The following IRX2 variants were observed in gnomAD, a reference collection of about 807,000 sequenced individuals.
IRX2 encodes iroquois homeobox 2.
In IRX2, 26 loss-of-function variants were observed where a neutral mutation model predicts 42.9. The observed-to-expected ratio is 0.61, with a 90% CI of 0.44 to 0.84. IRX2 has a LOEUF of 0.84. Among genes scored for constraint, IRX2 ranks in the 40% least tolerant of loss-of-function variants. The pLI is 0.00. For missense variants in IRX2, 782 were observed against 713.9 expected, an observed-to-expected ratio of 1.10 and a Z score of -1.09; for synonymous variants, 424 against 353.9, an observed-to-expected ratio of 1.20 and a Z score of -2.22.
At chr5:2,739,000 G>A in the IRX2 span, among the ~76,000 whole-genome samples, 2 of 152,134 alleles carry the variant, frequency 1.3e-5, no homozygotes, top group Admixed American at 6.5e-5. Context: ...CGTGCTCTCC[G>A]TCGCCTCCAT....
intron 1 of IRX2, 106 bp from the exon 2 acceptor site, chr5:2,749,893 G>A (rs532495506): frequency 1.4e-5 from 17 of 1,210,040 alleles, no homozygotes; most frequent in African/African-American, 1.4e-4. Flanking sequence ...CCCCCCGTGA[G>A]TCTGGCTCTG....
the IRX2 span, among the ~76,000 whole-genome samples, chr5:2,736,370 A>C: frequency 6.6e-6 from 1 of 152,204 alleles, no homozygotes; most frequent in Admixed American, 6.5e-5. Context: ...CAGGGATTAA[A>C]TTTTTAGAAT....
chr5:2,751,305 C>T lies in IRX2; in HGVS notation c.109G>A (p.Ala37Thr), dbSNP rs1299597713. 1 of 1,436,780 alleles carries T rather than the reference C, an allele frequency of 7.0e-7. No individual in the cohort carries two copies. Among genetic ancestry groups the T allele is most frequent in the Non-Finnish European group, 9.1e-7 (1 of 1,095,424 alleles). The allele number at this position is 1,436,780 out of a possible 1,614,324, so 89.0% of individuals were successfully genotyped here. The change falls in exon 1 of 4, where the codon GCG (alanine) becomes ACG (threonine). Residue 37 changes from alanine (A) to threonine (T), a missense_variant. This residue lies in a region of IRX2 where 256 missense variants were observed against 250.0 expected (regional missense o/e 1.02). Coordinates refer to ENST00000302057, the MANE Select transcript of IRX2 (RefSeq NM_033267.5). This position sits in a 1 kb window ranked among gnomAD's most constrained non-coding sequence, Gnocchi z 4.0. Reference protein sequence around the residue: ...ALAAPRSEELARSASGSAFSP... With the variant: ...ALAAPRSEELTRSASGSAFSP... Reference sequence around the variant, plus strand: ...AACGCCGAGCCCGACGCCGAGCGCGCCAGCTCCTCGCTGCGCGGAGCCGCC... The same window carrying T: ...AACGCCGAGCCCGACGCCGAGCGCGTCAGCTCCTCGCTGCGCGGAGCCGCC...
At chr5:2,743,352 A>T (rs950852399), downstream of IRX2, among the ~76,000 whole-genome samples, 1 of 152,172 alleles carries the variant, frequency 6.6e-6, no homozygotes, top group African/African-American at 2.4e-5. Flanking sequence ...TTGACATTTG[A>T]CGGGCGCGGG....
chr5:2,749,022 T>C lies in IRX2; in HGVS notation c.686A>G (p.Asp229Gly), dbSNP rs763650814. 1.9e-6 allele frequency: 3 copies of C among 1,597,108 alleles called. No individual in the cohort carries two copies. The highest frequency in any genetic ancestry group is 4.5e-5 in the East Asian group (2 of 44,726). Residue 229 changes from aspartate to glycine, a missense_variant, in exon 3 of 4, where the codon GAT (aspartate) becomes GGT (glycine). By Grantham distance (94) the Asp-to-Gly change is moderately conservative. Transcript: ENST00000302057. The stretch of plus-strand genomic sequence containing the variant: ...GTCCGACTCGGCCGAGCACGAGTGA[T>C]CCGTGAGCGAGTCCACGTGCAGGCT... ...GISLHVDSLT[D>G]HSCSAESDGE...
chr5:2,748,135 AAATAAAT>A (rs1248808428), intron 3 of IRX2, among the ~76,000 whole-genome samples: 64 of 152,224 alleles, frequency 4.2e-4, no homozygotes. Flanking sequence ...AATTAAGTAA[AAATAAAT>A]AATAACAGGG....
intron 1 of IRX2, among the ~76,000 whole-genome samples, chr5:2,750,110 A>G (rs1737881379): frequency 6.6e-6 from 1 of 152,140 alleles, no homozygotes; most frequent in Non-Finnish European, 1.5e-5. Flanking sequence ...GCCCACAGGT[A>G]GCTCTTTGAT....
At position 2,750,496 on chromosome 5, in the gene IRX2, G is replaced by A. The variant is rs376630357; in HGVS notation, c.249+669C>T. On this transcript the variant is annotated intron_variant, in intron 1 of 3. Coordinates refer to ENST00000302057, the MANE Select transcript of IRX2 (RefSeq NM_033267.5). The stretch of plus-strand genomic sequence containing the variant: ...GCCCAGCTCAGTAACCTCGAGACTC[G>A]CGAGCCGCCCCCAGGTCGCCGGAGC... 3.0e-3 allele frequency among the ~76,000 whole-genome samples: 458 copies of A among 152,298 alleles called. 5 individuals are homozygous for A. The highest frequency in any genetic ancestry group is 0.01 in the African/African-American group (434 of 41,568).
At position 2,749,711 on chromosome 5, in the gene IRX2, G is replaced by C; in HGVS notation, c.326C>G (p.Pro109Arg). 3.1e-6 allele frequency: 5 copies of C among 1,614,022 alleles called. No homozygotes were observed. The highest frequency in any genetic ancestry group is 3.4e-6 in the Non-Finnish European group (4 of 1,179,984). Residue 109 changes from proline to arginine, a missense_variant, in exon 2 of 4, where the codon CCG (proline) becomes CGG (arginine). By Grantham distance (103) the Pro-to-Arg change is moderately radical (BLOSUM62 -2). Transcript: ENST00000302057. ...SYHPYGSAAY[P>R]YQLNDPAYRK... ...GTACGCGGGGTCGTTGAGCTGGTAC[G>C]GGTAGGCCGCGCTGCCGTACGGGTG...
At chr5:2,740,190 G>GA in the IRX2 span, among the ~76,000 whole-genome samples, 14 of 151,808 alleles carry the variant, frequency 9.2e-5, no homozygotes, top group Non-Finnish European at 1.0e-4. Context: ...TGCGGGGGCG[G>GA]GGGTCCTGCC....
At position 2,747,544 on chromosome 5, in the gene IRX2, C is replaced by A; in HGVS notation, c.*20G>T. 1.2e-6 allele frequency: 2 copies of A among 1,612,376 alleles called. No homozygotes were observed. The highest frequency in any genetic ancestry group is 1.1e-5 in the South Asian group (1 of 91,060). On this transcript the variant is annotated 3_prime_UTR_variant, in exon 4 of 4. Coordinates refer to ENST00000302057, the MANE Select transcript of IRX2 (RefSeq NM_033267.5). The stretch of plus-strand genomic sequence containing the variant: ...AAGCACCAGGGTGCCCACTTACTTG[C>A]ATTGCTGTGCTCGGCCCTTCTATAG...
At chr5:2,748,278 G>C in intron 3 of IRX2, 67 bp downstream of exon 3, 1 of 1,327,366 alleles carries the variant, frequency 7.5e-7, no homozygotes, top group Non-Finnish European at 9.6e-7. Flanking sequence ...GGGTCTCCCG[G>C]GCGCTCCGCC....
chr5:2,744,468 G>T (rs950496326), downstream of IRX2, among the ~76,000 whole-genome samples: 1 of 152,134 alleles, frequency 6.6e-6, no homozygotes, highest in Non-Finnish European at 1.5e-5. Context: ...AGTAAGCTAC[G>T]TAAGACCTTC....
At chr5:2,739,390 G>T in the IRX2 span, among the ~76,000 whole-genome samples, 1 of 152,244 alleles carries the variant, frequency 6.6e-6, no homozygotes, top group Admixed American at 6.5e-5. Context: ...CGCTGGGGCC[G>T]CAGATCGGGG....
At chr5:2,743,373 C>A (rs1737584770), downstream of IRX2, among the ~76,000 whole-genome samples, 1 of 152,186 alleles carries the variant, frequency 6.6e-6, no homozygotes, top group East Asian at 1.9e-4. Context: ...AGGCAGCGCC[C>A]GCGCCGGCCG....
Position 2,750,114 on chromosome 5 carries a change from C to T in IRX2, c.250-327G>A, listed in dbSNP as rs369265087. On this transcript the variant is annotated intron_variant, in intron 1 of 3. Transcript: ENST00000302057. ...CGCGCACACAGGCCCACAGGTAGCT[C>T]TTTGATATCTAAATTTCTGCAGATG... Among the ~76,000 whole-genome samples, 92 of 152,250 alleles carry T rather than the reference C, an allele frequency of 6.0e-4. 2 individuals carry two copies. The South Asian group carries it at 0.017, about 28-fold the overall frequency.
At chr5:2,750,704 C>G (rs1460369274) in intron 1 of IRX2, among the ~76,000 whole-genome samples, 1 of 152,246 alleles carries the variant, frequency 6.6e-6, no homozygotes, top group Non-Finnish European at 1.5e-5. Flanking sequence ...ACCCCCACCG[C>G]CCTGAGCCCC....
chr5:2,751,239 C>T lies in IRX2; in HGVS notation c.175G>A (p.Ala59Thr). 1 of 1,379,592 alleles carries T rather than the reference C, an allele frequency of 7.2e-7. No homozygotes were observed. Among genetic ancestry groups the T allele is most frequent in the Non-Finnish European group, 9.4e-7 (1 of 1,066,152 alleles). 85.5% of individuals were successfully genotyped at this position (1,379,592 alleles called of 1,614,324 possible). A position where few individuals can be genotyped will look rare whatever the true frequency, so the allele number is the denominator to read the frequency against. ...TGCAGCGGGCTCCCGAAGCCGGTGGCCGCCTGCGCCGTGAAGGCCGCCGAG... is the reference window on the plus strand; with the variant it reads ...TGCAGCGGGCTCCCGAAGCCGGTGGTCGCCTGCGCCGTGAAGGCCGCCGAG... The part of the protein sequence containing the change: ...PGSAAFTAQA[A>T]TGFGSPLQYS... Residue 59 changes from alanine (A) to threonine (T), a missense_variant, in exon 1 of 4, where the codon GCC (alanine) becomes ACC (threonine). By Grantham distance (58) the Ala-to-Thr change is moderately conservative. Transcript: ENST00000302057. The surrounding 1 kb of genome is among the most constrained non-coding windows in gnomAD (Gnocchi z 4.0).
chr5:2,741,043 G>A (rs563060776), downstream of IRX2, among the ~76,000 whole-genome samples: 11 of 152,368 alleles, frequency 7.2e-5, no homozygotes, highest in African/African-American at 2.6e-4. Context: ...TGCAGAGCCG[G>A]GTGCACGCGG....
Sources: allele counts gnomAD v4.1 joint callset (sites outside exome capture counted in the v4.1 genomes callset), GRCh38; gene constraint gnomAD v4.1.1; regional missense constraint gnomAD v4.1.1; non-coding constraint Gnocchi (gnomAD v3.1); transcripts MANE v1.5; gene names NCBI Gene and HGNC (gene_info 2026-07-23, HGNC 2026-07-21).